Variants in MAML3 observed in about 807,000 individuals in gnomAD.
MAML3 encodes the protein mastermind-like protein 3.
MAML3 carries 27 observed loss-of-function variants against 101.9 expected under a neutral mutation model. The observed-to-expected ratio is 0.27, with a 90% CI of 0.20 to 0.37. MAML3 has a LOEUF of 0.37. MAML3 is among the 10% of genes least tolerant of loss of function. The pLI is 1.00. For synonymous variants in MAML3, 501 were observed against 555.9 expected, an observed-to-expected ratio of 0.90 and a Z score of 1.39; for missense variants, 1,316 against 1,444.9, an observed-to-expected ratio of 0.91 and a Z score of 1.45.
At chr4:140,134,514 A>C (rs188901362) in intron 1 of MAML3, 3 of 371,310 alleles carry the variant, frequency 8.1e-6, no homozygotes, top group Non-Finnish European at 1.6e-5. Context: ...CCAGTGATTA[A>C]AAATGTAAAA....
intron 2 of MAML3, among the ~76,000 whole-genome samples, chr4:139,815,784 A>G (rs1297087845): frequency 6.6e-6 from 1 of 152,220 alleles, no homozygotes; most frequent in Non-Finnish European, 1.5e-5. Flanking sequence ...TTTCCTCTGA[A>G]GACGAGTTTC....
At chr4:140,012,458 A>G (rs780229433) in intron 1 of MAML3, among the ~76,000 whole-genome samples, 1 of 152,118 alleles carries the variant, frequency 6.6e-6, no homozygotes, top group Non-Finnish European at 1.5e-5. Context: ...CCTCTTGCCT[A>G]CAGTTCTCAG....
At chr4:140,059,463 G>T (rs1356824230) in intron 1 of MAML3, among the ~76,000 whole-genome samples, 1 of 152,156 alleles carries the variant, frequency 6.6e-6, no homozygotes, top group African/African-American at 2.4e-5. Context: ...AATGTGCTCA[G>T]GAACAGCTGC....
chr4:140,069,430 A>AGGG lies in MAML3; in HGVS notation c.468+83429_468+83430insCCC, dbSNP rs1447110237. Among the ~76,000 whole-genome samples the AGGG allele has an allele frequency of 1.3e-4, 4 of 30,284 alleles. 1 individual carries two copies. Among genetic ancestry groups the AGGG allele is most frequent in the African/African-American group, 8.3e-4 (4 of 4,838 alleles). 19.9% of individuals were successfully genotyped at this position (30,284 alleles called of 152,430 possible). ...GAGGAGGAGGAGGAGGGGAAGGAGGAGAAGGAGGAGAAGGAGGAGAAGGAG... is the reference window on the plus strand; with the variant it reads ...GAGGAGGAGGAGGAGGGGAAGGAGGAGGGGAAGGAGGAGAAGGAGGAGAAGGAG... On this transcript the variant is annotated intron_variant, in intron 1 of 4. Transcript: ENST00000509479.
chr4:139,793,429 A>C (rs1730454468), intron 2 of MAML3, among the ~76,000 whole-genome samples: 1 of 152,164 alleles, frequency 6.6e-6, no homozygotes, highest in African/African-American at 2.4e-5. Context: ...CCAATCACCA[A>C]GATGTGCACA....
intron 1 of MAML3, among the ~76,000 whole-genome samples, chr4:139,918,233 C>G (rs1733061197): frequency 6.6e-6 from 1 of 152,170 alleles, no homozygotes; most frequent in South Asian, 2.1e-4. Context: ...CTTTCTGCCT[C>G]AAATCCTTAT....
At chr4:140,038,366 T>C (rs534585898) in intron 1 of MAML3, among the ~76,000 whole-genome samples, 15 of 152,332 alleles carry the variant, frequency 9.8e-5, no homozygotes, top group African/African-American at 3.4e-4. Flanking sequence ...GAAAAATATT[T>C]GGACTGATAA....
intron 2 of MAML3, among the ~76,000 whole-genome samples, chr4:139,813,427 T>A (rs1314089710): frequency 6.6e-6 from 1 of 152,182 alleles, no homozygotes; most frequent in East Asian, 1.9e-4. Flanking sequence ...AGATCCTAAA[T>A]GTTTCCAAAA....
Position 140,034,774 on chromosome 4 carries a change from T to A in MAML3, c.468+118086A>T, listed in dbSNP as rs572261551. 3.9e-5 allele frequency among the ~76,000 whole-genome samples: 6 copies of A among 152,360 alleles called. No individual in the cohort carries two copies. The South Asian group carries it at 1.2e-3, about 32-fold the overall frequency. On this transcript the variant is annotated intron_variant, in intron 1 of 4. Transcript: ENST00000509479. The stretch of plus-strand genomic sequence containing the variant: ...AGGAAAGTAACAAAGAGGGCATTGC[T>A]ATTATTTGATTGTAGTTTGAATCCC...
At chr4:139,807,114 C>T (rs1178948402) in intron 2 of MAML3, among the ~76,000 whole-genome samples, 2 of 152,172 alleles carry the variant, frequency 1.3e-5, no homozygotes, top group Admixed American at 1.3e-4. Context: ...TGTGTCATCA[C>T]CTGGCTTCTA....
At chr4:139,929,385 T>C (rs1309294038) in intron 1 of MAML3, among the ~76,000 whole-genome samples, 1 of 152,240 alleles carries the variant, frequency 6.6e-6, no homozygotes, top group Non-Finnish European at 1.5e-5. Flanking sequence ...TCTTTGAAGG[T>C]AGATAGTTAG....
At chr4:140,119,217 TAAC>T (rs1728564257) in intron 1 of MAML3, among the ~76,000 whole-genome samples, 1 of 152,110 alleles carries the variant, frequency 6.6e-6, no homozygotes, top group African/African-American at 2.4e-5. Context: ...TTCCACTACA[TAAC>T]CCTTCCTAGA....
chr4:139,863,105 G>A (rs1560817391), intron 2 of MAML3, among the ~76,000 whole-genome samples: 1 of 148,090 alleles, frequency 6.8e-6, no homozygotes, highest in South Asian at 2.2e-4. Flanking sequence ...AGCCAAGGTT[G>A]CGCCACTGCA....
intron 1 of MAML3, among the ~76,000 whole-genome samples, chr4:140,003,012 G>T (rs942731990): frequency 5.9e-5 from 9 of 152,216 alleles, no homozygotes; most frequent in Non-Finnish European, 1.0e-4. Context: ...TAACAATTTG[G>T]ATGTCCAGAA....
chr4:139,734,604 G>A (rs537539164), intron 2 of MAML3, among the ~76,000 whole-genome samples: 32 of 152,324 alleles, frequency 2.1e-4, no homozygotes, highest in Non-Finnish European at 2.4e-4. Context: ...ATTTTCTAAA[G>A]GCTAGAGTGA....
Position 139,885,509 on chromosome 4 carries a change from C to T in MAML3, c.2079+3848G>A, listed in dbSNP as rs2111191964. On this transcript the variant is annotated intron_variant, in intron 2 of 4. Transcript: ENST00000509479. ...CTGTAACAAAATATCACATGTACCC[C>T]ATAAATATGTGTAAATATTATGTAT... Among the ~76,000 whole-genome samples, 2 of 151,926 alleles carry T rather than the reference C, an allele frequency of 1.3e-5. 1 individual carries two copies. The highest frequency in any genetic ancestry group is 4.2e-4 in the South Asian group (2 of 4,810).
chr4:140,096,441 G>A (rs1357730032), intron 1 of MAML3, among the ~76,000 whole-genome samples: 2 of 152,084 alleles, frequency 1.3e-5, no homozygotes, highest in Admixed American at 6.6e-5. Context: ...ATACGTATCC[G>A]AAAGTTCACA....
intron 1 of MAML3, among the ~76,000 whole-genome samples, chr4:139,891,743 T>G (rs184784135): frequency 6.6e-6 from 1 of 152,350 alleles, no homozygotes; most frequent in East Asian, 1.9e-4. Context: ...ATGTACTAAA[T>G]AGCATAGAAT....
chr4:139,918,378 TC>T (rs1733064063), intron 1 of MAML3, among the ~76,000 whole-genome samples: 1 of 152,130 alleles, frequency 6.6e-6, no homozygotes, highest in African/African-American at 2.4e-5. Flanking sequence ...CGAGGGCTCT[TC>T]CCCTCCTCTG....
Sources: allele counts gnomAD v4.1 joint callset (sites outside exome capture counted in the v4.1 genomes callset), GRCh38; gene constraint gnomAD v4.1.1; transcripts MANE v1.5; gene names NCBI Gene and HGNC (gene_info 2026-07-23, HGNC 2026-07-21).